The following KMT2C variants were observed in gnomAD, a reference collection of about 807,000 sequenced individuals.
KMT2C encodes histone-lysine N-methyltransferase 2C.
Under a neutral mutation model 507.9 loss-of-function variants are expected in KMT2C, and 88 were observed. The observed-to-expected ratio is 0.17, with a 90% CI of 0.15 to 0.21. The LOEUF is 0.21. Among genes scored for constraint, KMT2C ranks in the 10% least tolerant of loss-of-function variants. KMT2C has a pLI of 1.00. For synonymous variants in KMT2C, 2,049 were observed against 2,080.8 expected (o/e 0.98, Z 0.42); for missense variants, 4,954 against 5,957.8 (o/e 0.83, Z 5.55).
chr7:152,368,456 T>C, intron 1 of KMT2C: 1 of 1,213,758 alleles, frequency 8.2e-7, no homozygotes, highest in Non-Finnish European at 1.2e-6. Flanking sequence ...AAATAAAAAG[T>C]TCAAAAACTA....
chr7:152,396,166 T>C (rs890738094), intron 1 of KMT2C, among the ~76,000 whole-genome samples: 8 of 152,220 alleles, frequency 5.3e-5, no homozygotes, highest in African/African-American at 1.9e-4. Flanking sequence ...AAGCAGAGCA[T>C]TCTCCTAAAC....
chr7:152,350,392 GA>G (rs1408530985), intron 2 of KMT2C, among the ~76,000 whole-genome samples: 1 of 152,216 alleles, frequency 6.6e-6, no homozygotes, highest in Non-Finnish European at 1.5e-5. Context: ...GATATGTTCT[GA>G]AATATTCATC....
chr7:152,161,015 G>C (rs887286045), intron 43 of KMT2C, among the ~76,000 whole-genome samples: 1 of 152,114 alleles, frequency 6.6e-6, no homozygotes, highest in Non-Finnish European at 1.5e-5. Context: ...GAACAGAACA[G>C]GCAGAAGCAG....
At chr7:152,392,299 A>G (rs1245468098) in intron 1 of KMT2C, among the ~76,000 whole-genome samples, 1 of 152,198 alleles carries the variant, frequency 6.6e-6, no homozygotes, top group African/African-American at 2.4e-5. Context: ...AAACTCACAT[A>G]CTACTACTTC....
intron 2 of KMT2C, among the ~76,000 whole-genome samples, chr7:152,336,375 T>G (rs2096936091): frequency 6.6e-6 from 1 of 152,134 alleles, no homozygotes; most frequent in Non-Finnish European, 1.5e-5. Context: ...AATCCTAGTC[T>G]TCAAACAATT....
chr7:152,151,623 T>C, intron 49 of KMT2C, 42 bp from the exon 50 acceptor site: 3 of 1,575,750 alleles, frequency 1.9e-6, no homozygotes, highest in Non-Finnish European at 2.6e-6. Context: ...AACTGACTGA[T>C]GACACAAGGT....
intron 23 of KMT2C, among the ~76,000 whole-genome samples, chr7:152,211,458 T>C (rs1268995805): frequency 6.6e-6 from 1 of 152,110 alleles, no homozygotes; most frequent in East Asian, 1.9e-4. Flanking sequence ...ATCTCCAGGA[T>C]GATGAAGAGG....
At chr7:152,391,367 C>T (rs1216759237) in intron 1 of KMT2C, among the ~76,000 whole-genome samples, 63 of 150,384 alleles carry the variant, frequency 4.2e-4, no homozygotes, top group East Asian at 8.1e-4. Flanking sequence ...CTCAGCCTCC[C>T]GAGTAGCTGA....
chr7:152,294,022 CTTT>C (rs5888465), intron 6 of KMT2C, among the ~76,000 whole-genome samples: 4 of 133,152 alleles, frequency 3.0e-5, no homozygotes, highest in Non-Finnish European at 4.9e-5. Flanking sequence ...CCACACCTGC[CTTT>C]TTTTTTTTTT....
chr7:152,176,131 A>G, intron 38 of KMT2C, 60 bp downstream of exon 38: 1 of 1,394,118 alleles, frequency 7.2e-7, no homozygotes, highest in East Asian at 2.3e-5. Context: ...TCTTATAAGC[A>G]TATCGCATGC....
At chr7:152,222,495 T>C in intron 21 of KMT2C, 78 bp downstream of exon 21, 4 of 669,448 alleles carry the variant, frequency 6.0e-6, no homozygotes, top group Non-Finnish European at 1.1e-5. Context: ...AGAGCTAAGC[T>C]AATTCATTGG....
chr7:152,198,562 C>T (rs1282479048), intron 27 of KMT2C, among the ~76,000 whole-genome samples: 3 of 152,116 alleles, frequency 2.0e-5, no homozygotes, highest in African/African-American at 7.2e-5. Flanking sequence ...CACTTACCTA[C>T]CCAATGAGTT....
intron 3 of KMT2C, among the ~76,000 whole-genome samples, chr7:152,318,593 C>G (rs1216940257): frequency 1.4e-5 from 2 of 146,142 alleles, no homozygotes; most frequent in African/African-American, 5.1e-5. Context: ...CACCACTGCC[C>G]TCCAACCTGG....
In KMT2C at chr7:152,424,212, C is replaced by A. The variant is rs372535397; in HGVS notation, c.161+11414G>T. Among the ~76,000 whole-genome samples, 37 of 152,086 alleles carry A rather than the reference C, an allele frequency of 2.4e-4. No homozygotes were observed. The East Asian group carries it at 4.3e-3, about 18-fold the overall frequency. ...CACTGCAGCCTCCAACTCCTCTGCT[C>A]AAGTGATCCTCCCACCTCAACCTCC... is the stretch of plus-strand genomic sequence containing the variant. On this transcript the variant is annotated intron_variant, in intron 1 of 58. Transcript: ENST00000262189.
chr7:152,196,922 A>G (rs1448115355), intron 27 of KMT2C, among the ~76,000 whole-genome samples: 1 of 152,204 alleles, frequency 6.6e-6, no homozygotes, highest in Non-Finnish European at 1.5e-5. Flanking sequence ...TAAGGATAAA[A>G]AAGAGGCAGC....
chr7:152,331,675 T>C, intron 2 of KMT2C, among the ~76,000 whole-genome samples: 1 of 131,400 alleles, frequency 7.6e-6, no homozygotes, highest in African/African-American at 2.9e-5. Flanking sequence ...TTTGATGGAG[T>C]CTCGCTCTGT....
intron 1 of KMT2C, among the ~76,000 whole-genome samples, chr7:152,429,156 C>T (rs1192487946): frequency 6.6e-6 from 1 of 152,126 alleles, no homozygotes; most frequent in East Asian, 1.9e-4. Context: ...CTTTGAGCAC[C>T]CCTCTAGGCC....
chr7:152,194,740 T>A (rs1311198431), intron 28 of KMT2C, among the ~76,000 whole-genome samples, 172 bp from the exon 29 acceptor site: 2 of 152,054 alleles, frequency 1.3e-5, no homozygotes, highest in Admixed American at 1.3e-4. Context: ...TCAGTAAAAA[T>A]TAGGCACAAT....
intron 39 of KMT2C, among the ~76,000 whole-genome samples, chr7:152,172,555 G>A (rs891898299): frequency 5.9e-5 from 9 of 152,128 alleles, no homozygotes; most frequent in African/African-American, 7.2e-5. Context: ...AATTAGCTGC[G>A]CATGGTGGCA....
Sources: allele counts gnomAD v4.1 joint callset (sites outside exome capture counted in the v4.1 genomes callset), GRCh38; gene constraint gnomAD v4.1.1; transcripts MANE v1.5; gene names NCBI Gene and HGNC (gene_info 2026-07-23, HGNC 2026-07-21).